NALCN: variants seen among roughly 807,000 people sequenced by gnomAD.
NALCN encodes the protein sodium leak channel NALCN.
In NALCN, 111 loss-of-function variants were observed where a neutral mutation model predicts 225.3. The ratio of observed to expected loss-of-function variants is 0.49; its 90% CI spans 0.42 to 0.58. The LOEUF (loss-of-function observed/expected upper bound fraction) is 0.58, where lower values mean the gene tolerates loss of function less well. NALCN is among the 20% of genes least tolerant of loss of function. The pLI, the probability that NALCN is intolerant of heterozygous loss-of-function variation, is 0.00. For synonymous variants in NALCN, 764 were observed against 769.0 expected, an observed-to-expected ratio of 0.99 and a Z score of 0.11; for missense variants, 1,378 against 2,202.4, an observed-to-expected ratio of 0.63 and a Z score of 7.49.
At chr13:101,192,727 G>C (rs1015324361) in intron 13 of NALCN, among the ~76,000 whole-genome samples, 1 of 152,088 alleles carries the variant, frequency 6.6e-6, no homozygotes, top group African/African-American at 2.4e-5. Context: ...GGCCAGCCAA[G>C]CTAAAAATCT....
At chr13:101,390,668 GAA>G (rs113685766) in intron 3 of NALCN, among the ~76,000 whole-genome samples, 1 of 149,548 alleles carries the variant, frequency 6.7e-6, no homozygotes, top group South Asian at 2.1e-4. Context: ...CACTTCGAGG[GAA>G]AAAAAAACAT....
chr13:101,253,844 G>A (rs1303914855), intron 11 of NALCN, among the ~76,000 whole-genome samples: 1 of 151,410 alleles, frequency 6.6e-6, no homozygotes, highest in Non-Finnish European at 1.5e-5. Flanking sequence ...AAGGCAAAAT[G>A]TTTACTATCT....
Position 101,207,418 on chromosome 13 carries a change from T to C in NALCN, c.1627-15364A>G, listed in dbSNP as rs182414401. 9.2e-5 allele frequency among the ~76,000 whole-genome samples: 14 copies of C among 152,358 alleles called. No individual in the cohort carries two copies. The East Asian group carries it at 2.7e-3, about 29-fold the overall frequency. On this transcript the variant is annotated intron_variant, in intron 13 of 43. Coordinates refer to ENST00000251127, the MANE Select transcript of NALCN (RefSeq NM_052867.4). ...TTAAAAATTCAAATTCATTCTTCTT[T>C]GTAATTGATTTTATTCTGTTAGGCT... is the stretch of plus-strand genomic sequence containing the variant.
chr13:101,192,538 C>T (rs1249393438), intron 13 of NALCN, among the ~76,000 whole-genome samples: 1 of 151,900 alleles, frequency 6.6e-6, no homozygotes, highest in Non-Finnish European at 1.5e-5. Context: ...AAACATGGGA[C>T]TCTTTAAAAA....
chr13:101,174,523 T>C (rs999246604), intron 15 of NALCN, among the ~76,000 whole-genome samples: 6 of 152,288 alleles, frequency 3.9e-5, no homozygotes, highest in African/African-American at 1.4e-4. Flanking sequence ...GGGTCAGATA[T>C]GAAATGCCTA....
At chr13:101,330,135 T>G (rs2045110434) in intron 7 of NALCN, among the ~76,000 whole-genome samples, 1 of 151,894 alleles carries the variant, frequency 6.6e-6, no homozygotes, top group Admixed American at 6.6e-5. Context: ...TATGCTTATT[T>G]AGACACCTTT....
chr13:101,361,511 A>G (rs1343346442), intron 6 of NALCN, among the ~76,000 whole-genome samples: 1 of 152,222 alleles, frequency 6.6e-6, no homozygotes, highest in Non-Finnish European at 1.5e-5. Context: ...TTGGACACAC[A>G]TGTTGAAGGA....
chr13:101,265,658 GT>G (rs2042572891), intron 10 of NALCN, among the ~76,000 whole-genome samples: 1 of 152,202 alleles, frequency 6.6e-6, no homozygotes, highest in Non-Finnish European at 1.5e-5. Flanking sequence ...GCTTGCTCAT[GT>G]AATAACATCT....
chr13:101,401,381 C>G (rs1242616366), intron 1 of NALCN, among the ~76,000 whole-genome samples: 1 of 152,048 alleles, frequency 6.6e-6, no homozygotes, highest in Non-Finnish European at 1.5e-5. Context: ...CCTATCCACC[C>G]AAATACTGAG....
At chr13:101,258,175 A>C (rs1004431593) in intron 11 of NALCN, among the ~76,000 whole-genome samples, 5 of 152,148 alleles carry the variant, frequency 3.3e-5, no homozygotes, top group Non-Finnish European at 7.3e-5. Flanking sequence ...GGATAGGAAA[A>C]CAGCAAGATT....
chr13:101,275,992 A>T (rs1440177399), intron 10 of NALCN, among the ~76,000 whole-genome samples: 3 of 138,268 alleles, frequency 2.2e-5, no homozygotes, highest in Non-Finnish European at 3.1e-5. Flanking sequence ...TGAACCTGGG[A>T]GGTAGAGGTT....
intron 6 of NALCN, among the ~76,000 whole-genome samples, chr13:101,346,133 G>A (rs1441261316): frequency 1.4e-5 from 2 of 138,826 alleles, no homozygotes; most frequent in Non-Finnish European, 1.5e-5. Flanking sequence ...GCAAAATTGT[G>A]TATGTGTATC....
intron 6 of NALCN, among the ~76,000 whole-genome samples, chr13:101,348,127 C>T (rs2045798662): frequency 1.3e-5 from 2 of 152,034 alleles, no homozygotes; most frequent in South Asian, 4.1e-4. Context: ...AATACAATAG[C>T]AGAAATGTCT....
rs528863047 is a variant in NALCN, at chr13:101,127,750, G to C, written c.2119-3069C>G. On this transcript the variant is annotated intron_variant, in intron 17 of 43. Transcript: ENST00000251127. The stretch of plus-strand genomic sequence containing the variant: ...TACATATATATATGATATTACATTT[G>C]ATGTCCTAGATATGTATTTAGATCG... Among the ~76,000 whole-genome samples the C allele has an allele frequency of 1.2e-4, 19 of 152,156 alleles. No individual in the cohort carries two copies. In the South Asian group the frequency reaches 3.7e-3, roughly 30 times the overall value.
intron 18 of NALCN, among the ~76,000 whole-genome samples, chr13:101,117,474 A>G (rs914689980): frequency 3.3e-5 from 5 of 152,236 alleles, no homozygotes; most frequent in Non-Finnish European, 7.3e-5. Context: ...TGCATTGGCC[A>G]ATTTTCAACA....
chr13:101,324,202 C>T (rs114489262), intron 7 of NALCN, among the ~76,000 whole-genome samples: 284 of 152,278 alleles, frequency 1.9e-3, no homozygotes, highest in African/African-American at 6.5e-3. Context: ...CCTCGTAACA[C>T]GTCTCAACTG....
chr13:101,193,621 T>C (rs2039772394), intron 13 of NALCN, among the ~76,000 whole-genome samples: 1 of 152,166 alleles, frequency 6.6e-6, no homozygotes, highest in Non-Finnish European at 1.5e-5. Context: ...GACCGCACCA[T>C]CACCAAGGGC....
chr13:101,110,474 T>C (rs2035368157), intron 20 of NALCN, 145 bp downstream of exon 20: 2 of 807,304 alleles, frequency 2.5e-6, no homozygotes, highest in Admixed American at 4.5e-5. Context: ...ATAATTCATA[T>C]CCTGAGTTTC....
At chr13:101,351,468 G>A (rs1467581126) in intron 6 of NALCN, among the ~76,000 whole-genome samples, 2 of 152,122 alleles carry the variant, frequency 1.3e-5, no homozygotes, top group Non-Finnish European at 2.9e-5. Flanking sequence ...TTCTGAACTT[G>A]TTACTAAAAT....
Sources: gnomAD v4.1 joint callset for allele counts (sites outside exome capture counted in the v4.1 genomes callset) on GRCh38, gnomAD v4.1.1 for gene constraint, MANE v1.5 for transcripts, NCBI Gene and HGNC (gene_info 2026-07-23, HGNC 2026-07-21) for gene names.